TNIK: variants seen among roughly 807,000 people sequenced by gnomAD.
The protein encoded by TNIK is TRAF2 and NCK-interacting protein kinase.
Under a neutral mutation model 191.3 loss-of-function variants are expected in TNIK, and 49 were observed. The observed-to-expected ratio is 0.26, with a 90% CI of 0.20 to 0.32. The LOEUF is 0.32. Among genes scored for constraint, TNIK ranks in the 10% least tolerant of loss-of-function variants. The probability of loss-of-function intolerance (pLI) is 1.00; values close to 1 mark genes in which losing one functional copy is unlikely to be tolerated. For missense variants in TNIK, 1,155 were observed against 1,702.3 expected, an observed-to-expected ratio of 0.68 and a Z score of 5.66; for synonymous variants, 594 against 600.9, an observed-to-expected ratio of 0.99 and a Z score of 0.17.
chr3:171,402,822 C>A (rs1189156886), intron 1 of TNIK, among the ~76,000 whole-genome samples: 1 of 152,124 alleles, frequency 6.6e-6, no homozygotes, highest in Non-Finnish European at 1.5e-5. Context: ...TTAATGTTCC[C>A]ATTTTTTGGA....
chr3:171,392,778 CAAA>C (rs60306915), intron 1 of TNIK, among the ~76,000 whole-genome samples: 7 of 95,258 alleles, frequency 7.3e-5, no homozygotes, highest in South Asian at 7.8e-4. Flanking sequence ...GATTCTGTCT[CAAA>C]AAAAAAAAAA....
At chr3:171,344,730 C>A (rs79800791) in intron 2 of TNIK, among the ~76,000 whole-genome samples, 2 of 132,130 alleles carry the variant, frequency 1.5e-5, no homozygotes, top group Non-Finnish European at 3.5e-5. Context: ...ACGAAATTCT[C>A]GTTTTTCTTA....
chr3:171,415,118 G>T (rs1722893125), intron 1 of TNIK, among the ~76,000 whole-genome samples: 1 of 152,096 alleles, frequency 6.6e-6, no homozygotes. Context: ...TACCATCTCA[G>T]TACCTATTCA....
intron 18 of TNIK, among the ~76,000 whole-genome samples, chr3:171,114,170 G>A (rs1257468669): frequency 6.6e-6 from 1 of 152,134 alleles, no homozygotes; most frequent in Non-Finnish European, 1.5e-5. Flanking sequence ...TCGCCTTCCA[G>A]ATGCTGAGAA....
chr3:171,381,506 G>C (rs576165563), intron 1 of TNIK, among the ~76,000 whole-genome samples: 4 of 152,298 alleles, frequency 2.6e-5, no homozygotes, highest in East Asian at 1.9e-4. Flanking sequence ...ACAGTGTATA[G>C]AGCAATCTTT....
At chr3:171,220,240 C>G (rs1040333014) in intron 3 of TNIK, among the ~76,000 whole-genome samples, 1 of 151,916 alleles carries the variant, frequency 6.6e-6, no homozygotes, top group African/African-American at 2.4e-5. Context: ...TGGGGCCTGT[C>G]GTGGGGTGGC....
At chr3:171,131,734 G>A (rs535190155) in intron 15 of TNIK, among the ~76,000 whole-genome samples, 1 of 152,158 alleles carries the variant, frequency 6.6e-6, no homozygotes, top group East Asian at 1.9e-4. Context: ...AGATAATGCC[G>A]CCCAAGTGTC....
At chr3:171,365,961 G>A (rs1358540361) in intron 2 of TNIK, among the ~76,000 whole-genome samples, 2 of 152,248 alleles carry the variant, frequency 1.3e-5, no homozygotes, top group South Asian at 2.1e-4. Context: ...TAGGAGACAG[G>A]AAAAACCAAC....
intron 1 of TNIK, among the ~76,000 whole-genome samples, chr3:171,405,167 C>G (rs937177769): frequency 1.3e-5 from 2 of 152,086 alleles, no homozygotes; most frequent in African/African-American, 4.8e-5. Context: ...TAGTAAGTAA[C>G]AGTGTGGATT....
chr3:171,113,456 A>T (rs993606201), intron 18 of TNIK, among the ~76,000 whole-genome samples: 2 of 152,084 alleles, frequency 1.3e-5, no homozygotes, highest in Admixed American at 6.5e-5. Flanking sequence ...ATACAAAAAA[A>T]TTAGCTGGGC....
intron 2 of TNIK, among the ~76,000 whole-genome samples, chr3:171,342,328 C>T (rs190164675): frequency 6.6e-6 from 1 of 152,256 alleles, no homozygotes; most frequent in African/African-American, 2.4e-5. Context: ...TTTTGAGAAC[C>T]ACTGGTCTAG....
chr3:171,326,458 A>G (rs954897686), intron 2 of TNIK, among the ~76,000 whole-genome samples: 1 of 146,804 alleles, frequency 6.8e-6, no homozygotes, highest in Non-Finnish European at 1.5e-5. Flanking sequence ...ACAAGAAAAA[A>G]AAAGAAAAAA....
chr3:171,327,928 A>AAAAAAAAAAC (rs1560433753), intron 2 of TNIK, among the ~76,000 whole-genome samples: 26 of 129,496 alleles, frequency 2.0e-4, no homozygotes, highest in African/African-American at 7.9e-4. Context: ...AAAAAAAAAA[A>AAAAAAAAAAC]AAATCACTTG....
chr3:171,105,038 AT>A (rs1345293566), intron 21 of TNIK, among the ~76,000 whole-genome samples: 1 of 149,654 alleles, frequency 6.7e-6, no homozygotes, highest in Non-Finnish European at 1.5e-5. Flanking sequence ...CTCATATTCC[AT>A]TAGAAAGCAA....
intron 15 of TNIK, among the ~76,000 whole-genome samples, chr3:171,137,709 G>A (rs1036543974): frequency 1.3e-5 from 2 of 152,196 alleles, no homozygotes; most frequent in Non-Finnish European, 2.9e-5. Context: ...CCACAAGTCT[G>A]AGGTCAACTG....
chr3:171,124,973 A>C (rs1445302437), intron 17 of TNIK, among the ~76,000 whole-genome samples: 1 of 152,132 alleles, frequency 6.6e-6, no homozygotes, highest in African/African-American at 2.4e-5. Context: ...TTCCACAAAG[A>C]ATCTCAAAAA....
chr3:171,085,184 C>T lies in TNIK; in HGVS notation c.2932G>A (p.Asp978Asn). The T allele has an allele frequency of 6.2e-7, 1 of 1,611,876 alleles. No homozygotes were observed. ...STKASFTPFV[D>N]PRVYQTSPTD... is the part of the protein sequence containing the mutation. ...GGAGACGTCTGGTATACTCTGGGGT[C>T]CACAAAGGGGGTGAAGGAGGCTTTG... Residue 978 changes from aspartate to asparagine, a missense_variant, in exon 25 of 33, where the codon GAC becomes AAC. Asp to Asn is a conservative substitution (Grantham distance 23, BLOSUM62 1). Around this residue, in one of 3 missense-constraint regions of TNIK, gnomAD observed 735 missense variants for 848.0 expected, o/e 0.87. Coordinates refer to ENST00000436636, the MANE Select transcript of TNIK (RefSeq NM_015028.4).
At position 171,360,280 on chromosome 3, in the gene TNIK, C is replaced by A. The variant is rs148203147; in HGVS notation, c.123+9340G>T. 2.0e-5 allele frequency among the ~76,000 whole-genome samples: 3 copies of A among 152,304 alleles called. No homozygotes were observed. In the East Asian group the frequency reaches 5.8e-4, roughly 29 times the overall value. ...TACATCCTTCAACACATCAACTACA[C>A]CAAGCAATGCCACCAGGCCACATGG... On this transcript the variant is annotated intron_variant, in intron 2 of 32. Transcript: ENST00000436636.
chr3:171,182,485 C>G (rs902146795), intron 7 of TNIK, among the ~76,000 whole-genome samples: 1 of 152,110 alleles, frequency 6.6e-6, no homozygotes, highest in Non-Finnish European at 1.5e-5. Flanking sequence ...CGTTCATGGC[C>G]ATGGTGTGAC....
Sources: gnomAD v4.1 joint callset for allele counts (sites outside exome capture counted in the v4.1 genomes callset) on GRCh38, gnomAD v4.1.1 for gene constraint, gnomAD v4.1.1 regional missense constraint, MANE v1.5 for transcripts, NCBI Gene and HGNC (gene_info 2026-07-23, HGNC 2026-07-21) for gene names.